The following TRIM2 variants were observed in gnomAD, a reference collection of about 807,000 sequenced individuals.
The protein encoded by TRIM2 is tripartite motif containing 2.
In TRIM2, 20 loss-of-function variants were observed where a neutral mutation model predicts 75.2. The observed-to-expected ratio is 0.27, with a 90% CI of 0.19 to 0.39. The LOEUF is 0.39. Among genes scored for constraint, TRIM2 ranks in the 10% least tolerant of loss-of-function variants. TRIM2 has a pLI of 1.00. For synonymous variants in TRIM2, 373 were observed against 388.3 expected (o/e 0.96, Z 0.46); for missense variants, 660 against 990.8 (o/e 0.67, Z 4.48).
chr4:153,240,009 T>C (rs546504370), intron 1 of TRIM2, among the ~76,000 whole-genome samples: 1 of 152,102 alleles, frequency 6.6e-6, no homozygotes, highest in African/African-American at 2.4e-5. Context: ...AATTTTTCTA[T>C]TTTTAGTAGA....
upstream of TRIM2, among the ~76,000 whole-genome samples, chr4:153,200,716 G>GAAAAAAAA (rs71598251): frequency 2.5e-4 from 33 of 130,922 alleles, no homozygotes; most frequent in Middle Eastern, 3.8e-3. Context: ...TTTTTAGTAA[G>GAAAAAAAA]AAAAAAAAAT....
chr4:153,175,577 C>T (rs1654826575), intron 1 of TRIM2, among the ~76,000 whole-genome samples: 1 of 151,914 alleles, frequency 6.6e-6, no homozygotes, highest in African/African-American at 2.4e-5. Flanking sequence ...AGGAGGAAGG[C>T]GGATGGTGAA....
Position 153,336,349 on chromosome 4 carries a change from A to C in TRIM2, c.*1383A>C, listed in dbSNP as rs1173190873. On this transcript the variant is annotated 3_prime_UTR_variant, in exon 12 of 12. Coordinates refer to ENST00000338700, the MANE Select transcript of TRIM2 (RefSeq NM_015271.5). ...CAGAAAATGGCCTTCTGTGCTTTCA[A>C]AAAAAAAAACAAAAAAAAAACCACA... 1 of 793,866 alleles carries C rather than the reference A, an allele frequency of 1.3e-6. No homozygotes were observed. The highest frequency in any genetic ancestry group is 6.1e-5 in the African/African-American group (1 of 16,422). The allele number at this position is 793,866 out of a possible 1,614,324, so 49.2% of individuals were successfully genotyped here. A position where few individuals can be genotyped will look rare whatever the true frequency, so the allele number is the denominator to read the frequency against.
At chr4:153,232,583 G>T (rs1240855736) in intron 1 of TRIM2, among the ~76,000 whole-genome samples, 1 of 152,230 alleles carries the variant, frequency 6.6e-6, no homozygotes, top group East Asian at 1.9e-4. Context: ...GTGTTTTAGT[G>T]AGAGTGGACT....
At chr4:153,271,774 C>G (rs1264122426) in intron 2 of TRIM2, among the ~76,000 whole-genome samples, 2 of 152,166 alleles carry the variant, frequency 1.3e-5, no homozygotes, top group African/African-American at 4.8e-5. Context: ...CCATGTGTCC[C>G]TGGGCACACA....
intron 11 of TRIM2, among the ~76,000 whole-genome samples, chr4:153,333,938 G>A (rs1386664419): frequency 6.6e-6 from 1 of 151,912 alleles, no homozygotes; most frequent in Non-Finnish European, 1.5e-5. Flanking sequence ...GGATACCAGG[G>A]GATGGCTTTA....
intron 1 of TRIM2, among the ~76,000 whole-genome samples, chr4:153,227,388 G>C (rs1275958401): frequency 6.6e-6 from 1 of 152,182 alleles, no homozygotes; most frequent in Non-Finnish European, 1.5e-5. Flanking sequence ...GTGAATAGTA[G>C]ATAGGCTTGA....
chr4:153,316,033 G>A (rs763633291), intron 8 of TRIM2, 34 bp downstream of exon 8: 1 of 1,500,140 alleles, frequency 6.7e-7, no homozygotes, highest in Admixed American at 2.4e-5. Context: ...ACTAAACAAT[G>A]GAGAGAAGGA....
chr4:153,171,332 T>C (rs1441052286), intron 1 of TRIM2, among the ~76,000 whole-genome samples: 6 of 152,198 alleles, frequency 3.9e-5, no homozygotes, highest in Non-Finnish European at 8.8e-5. Context: ...ACACCTGTAA[T>C]CCCAGCAATC....
chr4:153,311,474 C>T (rs932505456), intron 6 of TRIM2, among the ~76,000 whole-genome samples: 3 of 152,000 alleles, frequency 2.0e-5, no homozygotes, highest in African/African-American at 7.3e-5. Context: ...TTGTCCCTAC[C>T]TGGACCACAA....
intron 1 of TRIM2, among the ~76,000 whole-genome samples, chr4:153,228,255 C>T (rs967512038): frequency 6.6e-6 from 1 of 152,180 alleles, no homozygotes; most frequent in African/African-American, 2.4e-5. Flanking sequence ...CACTCCATTT[C>T]CTTCACCACC....
chr4:153,159,296 C>CTTTTTTTTTTTT (rs11318531), intron 1 of TRIM2, among the ~76,000 whole-genome samples: 8 of 89,160 alleles, frequency 9.0e-5, no homozygotes, highest in South Asian at 4.9e-4. Flanking sequence ...TTTACAAAAT[C>CTTTTTTTTTTTT]TTTTTTTTTT....
chr4:153,270,993 C>T (rs987351057), intron 2 of TRIM2, among the ~76,000 whole-genome samples: 2 of 152,046 alleles, frequency 1.3e-5, no homozygotes, highest in African/African-American at 4.8e-5. Context: ...CATTTGAATG[C>T]TATGATGTTT....
chr4:153,191,467 A>G (rs74969203), intron 1 of TRIM2, among the ~76,000 whole-genome samples: 10,037 of 152,336 alleles, frequency 0.066, 404 homozygotes, highest in African/African-American at 0.1. Context: ...TTAAAAATGC[A>G]ATAATGAGGA....
intron 8 of TRIM2, among the ~76,000 whole-genome samples, chr4:153,316,873 C>CTTTTTTTTTTTTTTTTTTTTT (rs11397245): frequency 1.6e-5 from 1 of 61,576 alleles, no homozygotes; most frequent in Non-Finnish European, 2.6e-5. Context: ...TGCATTATGC[C>CTTTTTTTTTTTTTTTTTTTTT]TTTTTTTTTT....
intron 1 of TRIM2, among the ~76,000 whole-genome samples, chr4:153,227,400 C>G (rs535789793): frequency 6.6e-6 from 1 of 152,314 alleles, no homozygotes; most frequent in Admixed American, 6.5e-5. Context: ...TAGGCTTGAG[C>G]TTTGCCTTAA....
chr4:153,239,061 T>C (rs1745767054), intron 1 of TRIM2, among the ~76,000 whole-genome samples: 1 of 152,042 alleles, frequency 6.6e-6, no homozygotes, highest in African/African-American at 2.4e-5. Flanking sequence ...AGTTAGAAAA[T>C]AACTCTGGCG....
chr4:153,267,900 T>A (rs6535910), intron 1 of TRIM2, among the ~76,000 whole-genome samples: 79,814 of 152,002 alleles, frequency 0.53, 21,990 homozygotes, highest in African/African-American at 0.69. Context: ...AGTAATTCAC[T>A]CAGAGCCAGC....
At chr4:153,279,183 G>A (rs1453816379) in intron 3 of TRIM2, among the ~76,000 whole-genome samples, 1 of 152,160 alleles carries the variant, frequency 6.6e-6, no homozygotes, top group Non-Finnish European at 1.5e-5. Context: ...CAATGGGCCT[G>A]GGGAAGACAG....
Sources: allele counts gnomAD v4.1 joint callset (sites outside exome capture counted in the v4.1 genomes callset), GRCh38; gene constraint gnomAD v4.1.1; transcripts MANE v1.5; gene names NCBI Gene and HGNC (gene_info 2026-07-23, HGNC 2026-07-21).